RIT2: variants seen among roughly 807,000 people sequenced by gnomAD.
RIT2 encodes the protein Ras like without CAAX 2.
A neutral mutation model predicts 23.7 loss-of-function variants in RIT2; 24 were observed. The ratio of observed to expected loss-of-function variants is 1.01; its 90% CI spans 0.73 to 1.43. The LOEUF is 1.43. Ranked by LOEUF, RIT2 falls within the 40% of genes most tolerant of loss-of-function variation. The pLI is 0.00. For missense variants in RIT2, 236 were observed against 266.9 expected (o/e 0.88, Z 0.81); for synonymous variants, 107 against 91.1 (o/e 1.17, Z -0.99).
intron 4 of RIT2, among the ~76,000 whole-genome samples, chr18:42,750,435 A>G (rs1019747106): frequency 6.6e-6 from 1 of 151,860 alleles, no homozygotes; most frequent in African/African-American, 2.4e-5. Context: ...GCTTTATATG[A>G]AACTGCAATT....
At chr18:42,860,916 G>A (rs1197891963) in intron 4 of RIT2, among the ~76,000 whole-genome samples, 1 of 152,172 alleles carries the variant, frequency 6.6e-6, no homozygotes, top group African/African-American at 2.4e-5. Context: ...ATCTATCTCT[G>A]AGAATTAGGC....
intron 4 of RIT2, among the ~76,000 whole-genome samples, chr18:42,875,745 C>T (rs59209619): frequency 0.029 from 4,444 of 152,092 alleles, 216 homozygotes; most frequent in African/African-American, 0.099. Context: ...CTCCTTTACC[C>T]ATCTCCACCC....
chr18:42,939,851 A>C (rs1909552339), intron 3 of RIT2, among the ~76,000 whole-genome samples: 1 of 152,070 alleles, frequency 6.6e-6, no homozygotes, highest in Admixed American at 6.6e-5. Flanking sequence ...TACATCATGT[A>C]AAAAAATTAT....
intron 1 of RIT2, among the ~76,000 whole-genome samples, chr18:43,043,664 T>G (rs956460524): frequency 1.3e-5 from 2 of 151,778 alleles, no homozygotes; most frequent in African/African-American, 4.8e-5. Context: ...GTGGCACATG[T>G]CTGTAATCCC....
intron 4 of RIT2, among the ~76,000 whole-genome samples, chr18:42,759,215 T>C (rs1913238847): frequency 6.6e-6 from 1 of 152,146 alleles, no homozygotes. Context: ...CTCTTCCACA[T>C]CTCTGTTAAT....
chr18:43,035,797 G>A (rs1242224146), intron 1 of RIT2, among the ~76,000 whole-genome samples: 1 of 152,022 alleles, frequency 6.6e-6, no homozygotes, highest in Non-Finnish European at 1.5e-5. Flanking sequence ...CTATACACCC[G>A]CCTTAGTGCT....
At chr18:42,843,177 G>A (rs1012213412) in intron 4 of RIT2, among the ~76,000 whole-genome samples, 1 of 152,282 alleles carries the variant, frequency 6.6e-6, no homozygotes, top group South Asian at 2.1e-4. Flanking sequence ...TGTGATGAGT[G>A]CTATAGTTAG....
chr18:42,767,213 C>T (rs752107480), intron 4 of RIT2, among the ~76,000 whole-genome samples: 1 of 152,186 alleles, frequency 6.6e-6, no homozygotes, highest in African/African-American at 2.4e-5. Flanking sequence ...GTCACAGACA[C>T]TCAACACCAG....
intron 1 of RIT2, among the ~76,000 whole-genome samples, chr18:43,043,985 C>T (rs1427354069): frequency 6.6e-6 from 1 of 151,942 alleles, no homozygotes; most frequent in African/African-American, 2.4e-5. Context: ...GAAGACATGC[C>T]CAGAGGAAGC....
intron 1 of RIT2, among the ~76,000 whole-genome samples, chr18:43,086,155 T>C (rs969108521): frequency 6.6e-6 from 1 of 152,200 alleles, no homozygotes; most frequent in South Asian, 2.1e-4. Context: ...TCAACATTCC[T>C]AACCCCAAAA....
At chr18:42,935,647 C>T (rs1373963448) in intron 3 of RIT2, among the ~76,000 whole-genome samples, 1 of 151,976 alleles carries the variant, frequency 6.6e-6, no homozygotes, top group African/African-American at 2.4e-5. Flanking sequence ...ATATTGTTAC[C>T]AGAAGGCAAG....
Position 42,864,280 on chromosome 18 carries a change from C to T in RIT2, c.426+59292G>A, listed in dbSNP as rs578258485. 2.0e-5 allele frequency among the ~76,000 whole-genome samples: 3 copies of T among 152,274 alleles called. No homozygotes were observed. In the East Asian group the frequency reaches 5.8e-4, roughly 29 times the overall value. ...TTAATGTGATTTTCAATTTTCTTTT[C>T]AATTTCATCTTTTTCCACATTATGC... On this transcript the variant is annotated intron_variant, in intron 4 of 4. Transcript: ENST00000326695.
At chr18:42,788,219 A>T (rs1598653919) in intron 4 of RIT2, among the ~76,000 whole-genome samples, 1 of 152,276 alleles carries the variant, frequency 6.6e-6, no homozygotes, top group African/African-American at 2.4e-5. Context: ...CTGCTTCTTA[A>T]TGAAATATTT....
At chr18:42,990,594 A>G (rs1910819440) in intron 2 of RIT2, among the ~76,000 whole-genome samples, 1 of 152,202 alleles carries the variant, frequency 6.6e-6, no homozygotes, top group Non-Finnish European at 1.5e-5. Flanking sequence ...TCTTAGTCTC[A>G]GCTGTTTGAA....
intron 3 of RIT2, among the ~76,000 whole-genome samples, chr18:42,967,609 T>C (rs945067229): frequency 7.0e-6 from 1 of 142,480 alleles, no homozygotes; most frequent in Non-Finnish European, 1.5e-5. Context: ...GCCAGGATGG[T>C]CTCAATCTGC....
intron 2 of RIT2, among the ~76,000 whole-genome samples, chr18:42,991,726 G>T (rs980160752): frequency 1.3e-5 from 2 of 151,920 alleles, no homozygotes; most frequent in Non-Finnish European, 2.9e-5. Context: ...GGCTCATCCT[G>T]ACTCAAAAGC....
chr18:42,897,179 G>C (rs1020658128), intron 4 of RIT2, among the ~76,000 whole-genome samples: 1 of 152,138 alleles, frequency 6.6e-6, no homozygotes, highest in African/African-American at 2.4e-5. Flanking sequence ...TAAAATACCT[G>C]ATAACTTACT....
intron 1 of RIT2, among the ~76,000 whole-genome samples, chr18:43,077,920 A>G (rs973260693): frequency 3.3e-5 from 5 of 152,198 alleles, no homozygotes; most frequent in Non-Finnish European, 4.4e-5. Flanking sequence ...AAAATTACCT[A>G]GATGCTGACT....
chr18:42,794,208 G>A (rs487851), intron 4 of RIT2, among the ~76,000 whole-genome samples: 148,505 of 152,230 alleles, frequency 0.98, 72,554 homozygotes, highest in Middle Eastern at 1. Flanking sequence ...TAGGCCACAC[G>A]TTGCCTAGCA....
Sources: gnomAD v4.1 joint callset for allele counts (sites outside exome capture counted in the v4.1 genomes callset) on GRCh38, gnomAD v4.1.1 for gene constraint, MANE v1.5 for transcripts, NCBI Gene and HGNC (gene_info 2026-07-23, HGNC 2026-07-21) for gene names.